Variants in SPAG17 observed in about 807,000 individuals in gnomAD.
The protein encoded by SPAG17 is sperm associated antigen 17, also known as sperm-associated antigen 17.
In SPAG17, 169 loss-of-function variants were observed where a neutral mutation model predicts 273.6. The observed-to-expected ratio is 0.62, with a 90% CI of 0.55 to 0.70. The LOEUF (loss-of-function observed/expected upper bound fraction) is 0.70. SPAG17 is among the 30% of genes least tolerant of loss of function. The probability of loss-of-function intolerance (pLI) is 0.00; values close to 1 mark genes in which losing one functional copy is unlikely to be tolerated. For synonymous variants in SPAG17, 825 were observed against 873.2 expected, an observed-to-expected ratio of 0.94 and a Z score of 0.97; for missense variants, 2,557 against 2,627.8, an observed-to-expected ratio of 0.97 and a Z score of 0.59.
intron 1 of SPAG17, among the ~76,000 whole-genome samples, chr1:118,177,964 T>C (rs1660773104): frequency 6.6e-6 from 1 of 152,176 alleles, no homozygotes; most frequent in South Asian, 2.1e-4. Context: ...CATGACAGCT[T>C]CATTGCTGAA....
intron 3 of SPAG17, among the ~76,000 whole-genome samples, chr1:118,127,038 T>C (rs1489530359): frequency 6.6e-6 from 1 of 152,214 alleles, no homozygotes. Context: ...GTTCCATTGG[T>C]CTGTGTATCT....
intron 30 of SPAG17, 44 bp from the exon 31 acceptor site, chr1:118,008,242 A>G (rs1659113395): frequency 6.2e-7 from 1 of 1,601,278 alleles, no homozygotes; most frequent in Non-Finnish European, 8.5e-7. Context: ...GGATGTAGAC[A>G]TTGCAAAACA....
chr1:118,160,249 A>G (rs1289902105), intron 1 of SPAG17, among the ~76,000 whole-genome samples: 1 of 152,168 alleles, frequency 6.6e-6, no homozygotes, highest in Non-Finnish European at 1.5e-5. Context: ...GAGTTCCTTC[A>G]ATGTTGCATC....
At chr1:118,169,419 A>G (rs1217352323) in intron 1 of SPAG17, among the ~76,000 whole-genome samples, 1 of 152,170 alleles carries the variant, frequency 6.6e-6, no homozygotes, top group Non-Finnish European at 1.5e-5. Flanking sequence ...ATAAAAGCCA[A>G]CTCAATTCCA....
intron 18 of SPAG17, among the ~76,000 whole-genome samples, chr1:118,061,935 G>T (rs72631720): frequency 0.063 from 9,632 of 152,086 alleles, 520 homozygotes; most frequent in East Asian, 0.31. Context: ...AAAATTAGGT[G>T]GTTGAAATCA....
intron 10 of SPAG17, among the ~76,000 whole-genome samples, chr1:118,089,213 C>T (rs1056291264): frequency 2.5e-4 from 38 of 152,218 alleles, no homozygotes; most frequent in African/African-American, 9.1e-4. Flanking sequence ...AGGATTGACA[C>T]TTCTACTGGA....
At chr1:118,119,532 A>G (rs1657294519) in intron 3 of SPAG17, among the ~76,000 whole-genome samples, 1 of 152,244 alleles carries the variant, frequency 6.6e-6, no homozygotes, top group South Asian at 2.1e-4. Context: ...TTGGAGGCCC[A>G]TGGTGTTTAT....
At chr1:118,133,583 C>A (rs545444344) in intron 3 of SPAG17, among the ~76,000 whole-genome samples, 13 of 152,226 alleles carry the variant, frequency 8.5e-5, no homozygotes, top group Admixed American at 2.6e-4. Context: ...TGGTCTCATG[C>A]CAAAGAGGTT....
intron 3 of SPAG17, among the ~76,000 whole-genome samples, chr1:118,148,843 G>A (rs1418048403): frequency 1.3e-5 from 2 of 152,200 alleles, no homozygotes; most frequent in Non-Finnish European, 2.9e-5. Context: ...GGTTGCCAGT[G>A]ACTTTTCAAT....
intron 3 of SPAG17, among the ~76,000 whole-genome samples, chr1:118,144,926 A>G (rs1658887279): frequency 6.6e-6 from 1 of 152,214 alleles, no homozygotes. Flanking sequence ...CCTACAAGTG[A>G]AGTTAAACTA....
chr1:117,983,202 T>C (rs1466225501), intron 42 of SPAG17, among the ~76,000 whole-genome samples: 2 of 152,138 alleles, frequency 1.3e-5, no homozygotes, highest in African/African-American at 4.8e-5. Context: ...AACTGCCCCT[T>C]ATAAACCCAT....
intron 3 of SPAG17, among the ~76,000 whole-genome samples, chr1:118,134,309 ATG>A (rs1658219371): frequency 6.6e-6 from 1 of 152,230 alleles, no homozygotes; most frequent in Non-Finnish European, 1.5e-5. Flanking sequence ...ACATCACAGT[ATG>A]TGGAAATGAT....
In SPAG17 at chr1:118,023,358, TAG is replaced by T. The variant is rs1557920078; in HGVS notation, c.4013_4014del (p.Ser1338TyrfsTer12). 6.2e-7 allele frequency: 1 copy of T among 1,612,742 alleles called. No individual in the cohort carries two copies. Among genetic ancestry groups the T allele is most frequent in the South Asian group, 1.1e-5 (1 of 90,990 alleles). On this transcript the variant is annotated frameshift_variant, in exon 28 of 49. Transcript: ENST00000336338. LOFTEE classifies it high-confidence loss of function. ...ATPHSGDLMD[S>X]ISQQKSETIP... ...ATCGTTTCTGATTTCTGCTGAGAAA[TAG>T]AGTCCATCAAATCTCCACTGTGAGG...
At chr1:117,957,086 A>T in intron 48 of SPAG17, 2 of 1,598,780 alleles carry the variant, frequency 1.3e-6, no homozygotes, top group African/African-American at 1.4e-5. Context: ...AAGAATCTCT[A>T]CTTGTGCTGC....
chr1:118,047,038 A>T (rs1277950926), intron 20 of SPAG17, among the ~76,000 whole-genome samples: 1 of 152,236 alleles, frequency 6.6e-6, no homozygotes, highest in Non-Finnish European at 1.5e-5. Flanking sequence ...TCTAGTTTAT[A>T]GTCCTTGTTT....
In SPAG17 at chr1:117,992,670, A is replaced by G. The variant is rs761189225; in HGVS notation, c.5179-22T>C. The stretch of plus-strand genomic sequence containing the variant: ...TTTTCTGTTAACAAAACAAAGCAAT[A>G]ACACCACCAAAGAAATCAGAATGTT... On this transcript the variant is annotated intron_variant, in intron 35 of 48. Transcript: ENST00000336338. 9 of 1,539,480 alleles carry G rather than the reference A, an allele frequency of 5.8e-6. No homozygotes were observed. The Middle Eastern group carries it at 5.7e-4, about 98-fold the overall frequency.
chr1:118,129,156 C>A (rs1026318523), intron 3 of SPAG17, among the ~76,000 whole-genome samples: 2 of 152,236 alleles, frequency 1.3e-5, no homozygotes, highest in African/African-American at 4.8e-5. Flanking sequence ...AGCCCCTGAA[C>A]TAAGCTGACC....
Position 117,963,931 on chromosome 1 carries a change from TA to T in SPAG17, c.6539del (p.Leu2180Ter). On this transcript the variant is annotated frameshift_variant, in exon 48 of 49. Transcript: ENST00000336338. LOFTEE classifies it high-confidence loss of function. Reference protein sequence around the residue: ...VLFLPVEATVLTSSNYDKRPK... With the variant: ...VLFLPVEATVXTSSNYDKRPK... ...GTCGTTTATCATAATTGCTGCTTGTTAAAACAGGTAAAATACTTGTTAAGGG... is the reference window on the plus strand; with the variant it reads ...GTCGTTTATCATAATTGCTGCTTGTTAAACAGGTAAAATACTTGTTAAGGG... 1 of 1,613,790 alleles carries T rather than the reference TA, an allele frequency of 6.2e-7. No homozygotes were observed. Among genetic ancestry groups the T allele is most frequent in the East Asian group, 2.2e-5 (1 of 44,872 alleles).
chr1:118,012,499 T>C (rs1462329982), intron 29 of SPAG17, 127 bp from the exon 30 acceptor site: 9 of 1,005,262 alleles, frequency 9.0e-6, no homozygotes, highest in Non-Finnish European at 1.3e-5. Context: ...GGCAAAGTTT[T>C]ATCTCATCTA....
Sources: gnomAD v4.1 joint callset for allele counts (sites outside exome capture counted in the v4.1 genomes callset) on GRCh38, gnomAD v4.1.1 for gene constraint, MANE v1.5 for transcripts, NCBI Gene and HGNC (gene_info 2026-07-23, HGNC 2026-07-21) for gene names.